Variants in BRAF observed in about 807,000 individuals in gnomAD.
BRAF encodes the protein serine/threonine-protein kinase B-raf.
In BRAF, 16 loss-of-function variants were observed where a neutral mutation model predicts 104.6. The observed-to-expected ratio is 0.15, with a 90% confidence interval of 0.10 to 0.23. BRAF has a LOEUF of 0.23. BRAF is among the 10% of genes least tolerant of loss of function. BRAF has a pLI of 1.00. For synonymous variants in BRAF, 310 were observed against 341.6 expected (o/e 0.91, Z 1.02); for missense variants, 541 against 937.3 (o/e 0.58, Z 5.52).
At chr7:140,837,399 A>G (rs931014010) in intron 2 of BRAF, among the ~76,000 whole-genome samples, 3 of 152,216 alleles carry the variant, frequency 2.0e-5, no homozygotes, top group Admixed American at 6.5e-5. Flanking sequence ...CAAGGTCAAC[A>G]TTAATCTCTC....
intron 9 of BRAF, among the ~76,000 whole-genome samples, chr7:140,787,066 C>G (rs958590398): frequency 1.3e-5 from 2 of 150,078 alleles, no homozygotes; most frequent in South Asian, 2.1e-4. Context: ...CTTTGGGAGG[C>G]CGAGGCGGGC....
chr7:140,872,176 T>C (rs1040387103), intron 1 of BRAF, among the ~76,000 whole-genome samples: 6 of 151,652 alleles, frequency 4.0e-5, no homozygotes, highest in East Asian at 3.9e-4. Context: ...GATCGCACCA[T>C]TGCACTCCAG....
chr7:140,754,003 C>T (rs959981282), intron 15 of BRAF, 184 bp downstream of exon 14: 34 of 641,170 alleles, frequency 5.3e-5, no homozygotes, highest in Non-Finnish European at 8.2e-5. Context: ...GTTCAGTTGT[C>T]GAGAAACCAA....
At chr7:140,760,421 G>GAA (rs55872126) in intron 14 of BRAF, among the ~76,000 whole-genome samples, 37 of 111,242 alleles carry the variant, frequency 3.3e-4, no homozygotes, top group Admixed American at 9.9e-4. Flanking sequence ...TTGAGAGAGA[G>GAA]AAAAAAAAAA....
In BRAF at chr7:140,834,590, G is replaced by A. The variant is rs780617193; in HGVS notation, c.504+19C>T. The A allele has an allele frequency of 2.9e-5, 46 of 1,613,558 alleles. No individual in the cohort carries two copies. Among genetic ancestry groups the A allele is most frequent in the Admixed American group, 3.3e-5 (2 of 59,994 alleles). Reference sequence around the variant, plus strand: ...AAATACAAAGAAACAGCAAAATGGTGATATTAAAACTGACTCACCACTGTC... The same window carrying A: ...AAATACAAAGAAACAGCAAAATGGTAATATTAAAACTGACTCACCACTGTC... On this transcript the variant is annotated intron_variant, in intron 3 of 19. Transcript: ENST00000644969.
intron 12 of BRAF, chr7:140,780,273 C>T (rs1472866136): frequency 7.6e-5 from 11 of 143,842 alleles, no homozygotes; most frequent in African/African-American, 2.6e-4. Context: ...AAGACAGTCT[C>T]GCTGTTATCC....
At chr7:140,773,438 A>G (rs1800034036) in intron 14 of BRAF, 1 of 152,178 alleles carries the variant, frequency 6.6e-6, no homozygotes, top group South Asian at 2.1e-4. Flanking sequence ...TTTGGCTGCT[A>G]GCATGTCAGG....
intron 1 of BRAF, among the ~76,000 whole-genome samples, chr7:140,896,024 T>C (rs1814850065): frequency 6.6e-6 from 1 of 151,938 alleles, no homozygotes; most frequent in South Asian, 2.1e-4. Context: ...CGTCCAAGAG[T>C]TCTCTTTCCT....
At chr7:140,713,398 C>T in the BRAF span, among the ~76,000 whole-genome samples, 1 of 151,912 alleles carries the variant, frequency 6.6e-6, no homozygotes, top group Non-Finnish European at 1.5e-5. Flanking sequence ...TCTAGTTGAT[C>T]GAATCGGCTA....
chr7:140,793,363 A>G (rs1802172879), intron 8 of BRAF, among the ~76,000 whole-genome samples: 1 of 152,160 alleles, frequency 6.6e-6, no homozygotes, highest in South Asian at 2.1e-4. Flanking sequence ...ATAGAGGTGA[A>G]CCTTGCTAGT....
intron 1 of BRAF, among the ~76,000 whole-genome samples, chr7:140,872,383 T>A (rs6950312): frequency 0.3 from 45,225 of 151,696 alleles, 10,766 homozygotes; most frequent in African/African-American, 0.66. Flanking sequence ...AATGAAAGCT[T>A]AAATTATGAG....
chr7:140,777,431 T>G (rs1478922449), intron 13 of BRAF, among the ~76,000 whole-genome samples: 3 of 152,218 alleles, frequency 2.0e-5, no homozygotes, highest in Non-Finnish European at 4.4e-5. Context: ...AAAATCATTT[T>G]CTTACAACTT....
Position 140,819,174 on chromosome 7 carries a change from G to A in BRAF, c.505-10179C>T, listed in dbSNP as rs374155609. Among the ~76,000 whole-genome samples the A allele has an allele frequency of 7.2e-5, 11 of 152,130 alleles. No individual in the cohort carries two copies. In the East Asian group the frequency reaches 7.7e-4, roughly 11 times the overall value. On this transcript the variant is annotated intron_variant, in intron 3 of 19. Coordinates refer to ENST00000644969, the MANE Select transcript of BRAF (RefSeq NM_001374258.1). ...TTCAAAAACCTTTGTAATTCTTCTCGTCTCAGGTCATTGGTATTTATCTAT... is the reference window on the plus strand; with the variant it reads ...TTCAAAAACCTTTGTAATTCTTCTCATCTCAGGTCATTGGTATTTATCTAT...
intron 1 of BRAF, among the ~76,000 whole-genome samples, chr7:140,868,444 G>A (rs1360905133): frequency 6.6e-6 from 1 of 151,926 alleles, no homozygotes; most frequent in African/African-American, 2.4e-5. Flanking sequence ...ACCAAACCTT[G>A]GAAACATTAC....
At chr7:140,795,024 T>C (rs551411162) in intron 7 of BRAF, among the ~76,000 whole-genome samples, 1 of 152,276 alleles carries the variant, frequency 6.6e-6, no homozygotes, top group African/African-American at 2.4e-5. Flanking sequence ...AGAGTGCCAA[T>C]ATCTCTCATA....
At chr7:140,766,470 A>G (rs1338592891) in intron 14 of BRAF, among the ~76,000 whole-genome samples, 1 of 151,928 alleles carries the variant, frequency 6.6e-6, no homozygotes, top group Admixed American at 6.6e-5. Flanking sequence ...AACAAAAAAG[A>G]AAATAAACAT....
At chr7:140,897,800 A>C (rs1472037382) in intron 1 of BRAF, among the ~76,000 whole-genome samples, 1 of 151,924 alleles carries the variant, frequency 6.6e-6, no homozygotes, top group African/African-American at 2.4e-5. Context: ...GCGCCCAGCC[A>C]GGAAAGATTT....
At chr7:140,878,265 A>T (rs1350227347) in intron 1 of BRAF, among the ~76,000 whole-genome samples, 4 of 152,164 alleles carry the variant, frequency 2.6e-5, no homozygotes, top group African/African-American at 2.4e-5. Flanking sequence ...ACCATATTTT[A>T]AAAACCCTCA....
chr7:140,748,984 T>C, intron 17 of BRAF: 2 of 348,956 alleles, frequency 5.7e-6, no homozygotes, highest in South Asian at 5.7e-5. Flanking sequence ...GCCCAGATGC[T>C]ATAGTAGCAG....
Sources: gnomAD v4.1 joint callset for allele counts (sites outside exome capture counted in the v4.1 genomes callset) on GRCh38, gnomAD v4.1.1 for gene constraint, MANE v1.5 for transcripts, NCBI Gene and HGNC (gene_info 2026-07-23, HGNC 2026-07-21) for gene names.